The following ADCY2 variants were observed in gnomAD, a reference collection of about 807,000 sequenced individuals.
The protein encoded by ADCY2 is adenylate cyclase 2.
ADCY2 carries 31 observed loss-of-function variants against 125.2 expected under a neutral mutation model. The observed-to-expected ratio is 0.25, with a 90% CI of 0.19 to 0.33. The LOEUF (loss-of-function observed/expected upper bound fraction) is 0.33. Ranked by LOEUF, ADCY2 falls within the 10% of genes least tolerant of loss-of-function variation. ADCY2 has a pLI of 1.00. For synonymous variants in ADCY2, 512 were observed against 548.4 expected (o/e 0.93, Z 0.93); for missense variants, 904 against 1,418.2 (o/e 0.64, Z 5.82).
At chr5:7,509,629 G>T (rs1743981317) in intron 2 of ADCY2, among the ~76,000 whole-genome samples, 1 of 152,156 alleles carries the variant, frequency 6.6e-6, no homozygotes. Context: ...GCTACCCAGT[G>T]ATTCATGATT....
At position 7,509,445 on chromosome 5, in the gene ADCY2, C is replaced by T. The variant is rs148107124; in HGVS notation, c.409-11293C>T. The stretch of plus-strand genomic sequence containing the variant: ...CAGCCGTCTGTATTCCCTCAGGACA[C>T]CCATTTTTTTTAATGTTATATCCTA... On this transcript the variant is annotated intron_variant, in intron 2 of 24. Coordinates refer to ENST00000338316, the MANE Select transcript of ADCY2 (RefSeq NM_020546.3). Among the ~76,000 whole-genome samples, 3 of 152,234 alleles carry T rather than the reference C, an allele frequency of 2.0e-5. No homozygotes were observed. In the East Asian group the frequency reaches 5.8e-4, roughly 29 times the overall value.
intron 2 of ADCY2, among the ~76,000 whole-genome samples, chr5:7,454,407 G>A (rs933822024): frequency 1.3e-5 from 2 of 152,126 alleles, no homozygotes; most frequent in Admixed American, 6.6e-5. Flanking sequence ...ATGGTGTGGA[G>A]CCCAACCTAC....
chr5:7,460,911 A>C (rs996653644), intron 2 of ADCY2, among the ~76,000 whole-genome samples: 1 of 152,192 alleles, frequency 6.6e-6, no homozygotes, highest in Non-Finnish European at 1.5e-5. Context: ...ATTCGAGAGT[A>C]GGTTCCTCTG....
intron 18 of ADCY2, among the ~76,000 whole-genome samples, chr5:7,779,496 T>C (rs1363603401): frequency 6.6e-6 from 1 of 152,148 alleles, no homozygotes; most frequent in Non-Finnish European, 1.5e-5. Context: ...ATCACTCTTC[T>C]TCACAAAAGG....
At chr5:7,774,877 A>G (rs1450541989) in intron 18 of ADCY2, among the ~76,000 whole-genome samples, 1 of 152,164 alleles carries the variant, frequency 6.6e-6, no homozygotes, top group East Asian at 1.9e-4. Context: ...CATAATAGGT[A>G]TACATATTTA....
intron 4 of ADCY2, among the ~76,000 whole-genome samples, chr5:7,681,475 C>T (rs757754993): frequency 8.5e-5 from 13 of 152,146 alleles, no homozygotes; most frequent in Non-Finnish European, 1.8e-4. Context: ...GTCCTAGGCT[C>T]ACCTTCCCAA....
intron 2 of ADCY2, among the ~76,000 whole-genome samples, chr5:7,422,130 C>CA (rs1376458812): frequency 4.0e-5 from 6 of 151,800 alleles, no homozygotes; most frequent in Admixed American, 2.0e-4. Context: ...AACAAACAAA[C>CA]AAAAAAACAA....
chr5:7,671,208 C>A (rs1739922824), intron 4 of ADCY2, among the ~76,000 whole-genome samples: 1 of 152,064 alleles, frequency 6.6e-6, no homozygotes, highest in Non-Finnish European at 1.5e-5. Context: ...TTTGATTGAT[C>A]TGGTTTTCAA....
At chr5:7,508,466 C>T (rs1202770525) in intron 2 of ADCY2, among the ~76,000 whole-genome samples, 3 of 152,148 alleles carry the variant, frequency 2.0e-5, no homozygotes, top group Non-Finnish European at 4.4e-5. Flanking sequence ...CAGATCTGCT[C>T]CATGTGTATT....
At chr5:7,517,731 T>G (rs1744301264) in intron 2 of ADCY2, among the ~76,000 whole-genome samples, 1 of 152,240 alleles carries the variant, frequency 6.6e-6, no homozygotes, top group Admixed American at 6.5e-5. Flanking sequence ...TTCCATTTGG[T>G]TATTGTGGAT....
intron 4 of ADCY2, among the ~76,000 whole-genome samples, chr5:7,684,675 G>T (rs1011016914): frequency 6.6e-6 from 1 of 152,048 alleles, no homozygotes; most frequent in Non-Finnish European, 1.5e-5. Flanking sequence ...GATGGAAAGA[G>T]CTGGCTGTGA....
At chr5:7,477,842 A>G (rs1742579277) in intron 2 of ADCY2, among the ~76,000 whole-genome samples, 1 of 152,168 alleles carries the variant, frequency 6.6e-6, no homozygotes, top group African/African-American at 2.4e-5. Flanking sequence ...CTTAACATCT[A>G]GTGATTTAAA....
At chr5:7,403,743 T>C (rs1265378798) in intron 1 of ADCY2, among the ~76,000 whole-genome samples, 1 of 152,180 alleles carries the variant, frequency 6.6e-6, no homozygotes, top group Admixed American at 6.5e-5. Context: ...ATTATATATA[T>C]GTGTGGTGTG....
chr5:7,635,221 A>C (rs1738454161), intron 4 of ADCY2, among the ~76,000 whole-genome samples: 2 of 152,292 alleles, frequency 1.3e-5, no homozygotes, highest in Admixed American at 1.3e-4. Context: ...TAAACTGATT[A>C]ACAGTCTTAG....
chr5:7,504,602 C>G (rs1290805959), intron 2 of ADCY2, among the ~76,000 whole-genome samples: 1 of 150,438 alleles, frequency 6.6e-6, no homozygotes, highest in Non-Finnish European at 1.5e-5. Context: ...TTCTCTCTCT[C>G]TTTCTTTTTT....
At chr5:7,404,523 G>A (rs959644964) in intron 1 of ADCY2, among the ~76,000 whole-genome samples, 1 of 152,184 alleles carries the variant, frequency 6.6e-6, no homozygotes, top group African/African-American at 2.4e-5. Context: ...ATGAAGGAGG[G>A]CACATCCCAC....
intron 8 of ADCY2, among the ~76,000 whole-genome samples, 164 bp downstream of exon 8, chr5:7,707,066 G>A (rs970527679): frequency 1.4e-4 from 21 of 152,150 alleles, no homozygotes; most frequent in African/African-American, 4.6e-4. Flanking sequence ...AGATAAAGAC[G>A]AGCTCTCAAG....
intron 3 of ADCY2, among the ~76,000 whole-genome samples, chr5:7,586,069 T>C (rs566434467): frequency 2.6e-5 from 4 of 152,348 alleles, no homozygotes; most frequent in Non-Finnish European, 5.9e-5. Context: ...TTCATTGTTT[T>C]CTTAACACAC....
chr5:7,661,354 T>G (rs965112861), intron 4 of ADCY2, among the ~76,000 whole-genome samples: 2 of 152,124 alleles, frequency 1.3e-5, no homozygotes, highest in African/African-American at 4.8e-5. Flanking sequence ...AAGAGTCTTA[T>G]GATGGAAAAT....
Sources: gnomAD v4.1 joint callset for allele counts (sites outside exome capture counted in the v4.1 genomes callset) on GRCh38, gnomAD v4.1.1 for gene constraint, MANE v1.5 for transcripts, NCBI Gene and HGNC (gene_info 2026-07-23, HGNC 2026-07-21) for gene names.